Variants in DNAI3 observed in about 807,000 individuals in gnomAD.
DNAI3 encodes dynein axonemal intermediate chain 3, also known as WD repeat domain 63.
In DNAI3, 83 loss-of-function variants were observed where a neutral mutation model predicts 115.5. The ratio of observed to expected loss-of-function variants is 0.72; its 90% confidence interval spans 0.60 to 0.86. DNAI3 has a LOEUF of 0.86. Ranked by LOEUF, DNAI3 falls within the 40% of genes least tolerant of loss-of-function variation. The pLI, the probability that DNAI3 is intolerant of heterozygous loss-of-function variation, is 0.00. For missense variants in DNAI3, 1,004 were observed against 1,075.8 expected, an observed-to-expected ratio of 0.93 and a Z score of 0.93; for synonymous variants, 320 against 347.0, an observed-to-expected ratio of 0.92 and a Z score of 0.86.
At chr1:85,089,642 C>T (rs184807293) in intron 7 of DNAI3, among the ~76,000 whole-genome samples, 56 of 151,788 alleles carry the variant, frequency 3.7e-4, no homozygotes, top group Non-Finnish European at 6.8e-4. Flanking sequence ...TAACAGCATC[C>T]CTGGGATCTA....
chr1:85,087,360 C>T (rs982719554), intron 7 of DNAI3, among the ~76,000 whole-genome samples: 9 of 143,056 alleles, frequency 6.3e-5, no homozygotes, highest in Non-Finnish European at 9.1e-5. Context: ...TGCTTGAACC[C>T]GCGAGGTAGA....
chr1:85,104,422 G>A, intron 13 of DNAI3, 102 bp from the exon 14 acceptor site: 1 of 1,012,938 alleles, frequency 9.9e-7, no homozygotes, highest in Non-Finnish European at 1.5e-6. Context: ...CCCCCGGCCG[G>A]TATGTTCTTT....
At chr1:85,082,971 T>C (rs534736418) in intron 5 of DNAI3, among the ~76,000 whole-genome samples, 8 of 152,302 alleles carry the variant, frequency 5.3e-5, no homozygotes, top group African/African-American at 1.9e-4. Flanking sequence ...GCACCATTAT[T>C]GCACATTTCC....
chr1:85,064,383 G>A (rs749296376), intron 1 of DNAI3, among the ~76,000 whole-genome samples: 11 of 152,184 alleles, frequency 7.2e-5, no homozygotes, highest in Non-Finnish European at 1.3e-4. Context: ...GGAAACAAGA[G>A]TATAGACTAA....
At chr1:85,085,801 T>C in intron 6 of DNAI3, 30 bp from the exon 7 acceptor site, 1 of 1,215,642 alleles carries the variant, frequency 8.2e-7, no homozygotes. Context: ...GACTTCATTA[T>C]GTTACCTTTA....
chr1:85,069,505 A>G (rs1229765423), intron 1 of DNAI3, among the ~76,000 whole-genome samples: 1 of 152,100 alleles, frequency 6.6e-6, no homozygotes, highest in Non-Finnish European at 1.5e-5. Context: ...ATAGTCACTC[A>G]ATATATATAT....
intron 14 of DNAI3, among the ~76,000 whole-genome samples, chr1:85,107,330 T>G (rs1250556263): frequency 6.6e-6 from 1 of 152,156 alleles, no homozygotes; most frequent in Non-Finnish European, 1.5e-5. Context: ...AGAATTCAAA[T>G]TTATTTATCA....
At chr1:85,114,753 G>A (rs1655765921) in intron 16 of DNAI3, among the ~76,000 whole-genome samples, 1 of 152,142 alleles carries the variant, frequency 6.6e-6, no homozygotes, top group Non-Finnish European at 1.5e-5. Context: ...TCTTGATCCT[G>A]TACTGGTTTC....
chr1:85,082,832 A>G (rs1012309131), intron 5 of DNAI3, among the ~76,000 whole-genome samples: 3 of 152,198 alleles, frequency 2.0e-5, no homozygotes, highest in African/African-American at 7.2e-5. Flanking sequence ...ATCTCAGGGT[A>G]GCAGATTTGC....
At chr1:85,131,487 T>C (rs1656323356) in intron 22 of DNAI3, among the ~76,000 whole-genome samples, 1 of 150,614 alleles carries the variant, frequency 6.6e-6, no homozygotes, top group South Asian at 2.1e-4. Flanking sequence ...TGTGGAAATA[T>C]TGTAATGTGC....
intron 16 of DNAI3, among the ~76,000 whole-genome samples, chr1:85,115,501 A>G (rs1339405367): frequency 6.6e-6 from 1 of 152,226 alleles, no homozygotes; most frequent in African/African-American, 2.4e-5. Context: ...TATTATTACT[A>G]TCTCAAAGGA....
intron 2 of DNAI3, among the ~76,000 whole-genome samples, chr1:85,072,280 A>T (rs1405082790): frequency 6.6e-6 from 1 of 152,264 alleles, no homozygotes; most frequent in African/African-American, 2.4e-5. Flanking sequence ...CTGTTTAATT[A>T]TTCACAAGAT....
At chr1:85,108,240 T>C (rs1170935378) in intron 15 of DNAI3, 63 bp downstream of exon 15, 4 of 1,448,128 alleles carry the variant, frequency 2.8e-6, no homozygotes, top group African/African-American at 1.4e-5. Flanking sequence ...TTTGCATGCA[T>C]AGACATACAT....
At chr1:85,129,872 G>A (rs1253041339) in intron 21 of DNAI3, 118 bp from the exon 22 acceptor site, 3 of 1,111,382 alleles carry the variant, frequency 2.7e-6, no homozygotes, top group Admixed American at 2.6e-5. Flanking sequence ...GTAGATTAGG[G>A]AGGTAGATTA....
chr1:85,126,069 T>G (rs1656124998), intron 19 of DNAI3, among the ~76,000 whole-genome samples: 1 of 152,228 alleles, frequency 6.6e-6, no homozygotes, highest in Non-Finnish European at 1.5e-5. Context: ...CAGCTGGAAC[T>G]GGCAGACTTT....
At chr1:85,081,618 C>T (rs1654635421) in intron 4 of DNAI3, among the ~76,000 whole-genome samples, 1 of 152,170 alleles carries the variant, frequency 6.6e-6, no homozygotes, top group Non-Finnish European at 1.5e-5. Context: ...TCTAATCCCA[C>T]ACCCAGAAAA....
intron 18 of DNAI3, among the ~76,000 whole-genome samples, chr1:85,122,946 C>T (rs1310815145): frequency 6.6e-6 from 1 of 151,996 alleles, no homozygotes. Context: ...AGTAAAGAGA[C>T]CAGAGAAGCA....
intron 22 of DNAI3, 75 bp from the exon 23 acceptor site, chr1:85,132,780 C>T (rs1656377507): frequency 2.6e-6 from 4 of 1,518,994 alleles, no homozygotes; most frequent in Non-Finnish European, 3.5e-6. Context: ...TATTCACAAA[C>T]AGCCCCTTCT....
At chr1:85,130,272 A>C in intron 22 of DNAI3, 160 bp downstream of exon 22, 1 of 1,042,972 alleles carries the variant, frequency 9.6e-7, no homozygotes, top group Non-Finnish European at 1.4e-6. Flanking sequence ...TTCCTAGCTC[A>C]CTGCCAGTTA....
Sources: allele counts gnomAD v4.1 joint callset (sites outside exome capture counted in the v4.1 genomes callset), GRCh38; gene constraint gnomAD v4.1.1; transcripts MANE v1.5; gene names NCBI Gene and HGNC (gene_info 2026-07-23, HGNC 2026-07-21).